Variants in NTM observed in about 807,000 individuals in gnomAD.
The protein encoded by NTM is neurotrimin, also known as IgLON family member 2.
NTM carries 13 observed loss-of-function variants against 42.1 expected under a neutral mutation model. The observed-to-expected ratio is 0.31, with a 90% CI of 0.20 to 0.49. The LOEUF (loss-of-function observed/expected upper bound fraction) is 0.49, where lower values mean the gene tolerates loss of function less well. NTM is among the 20% of genes least tolerant of loss of function. The pLI is 0.99. For synonymous variants in NTM, 187 were observed against 179.2 expected, an observed-to-expected ratio of 1.04 and a Z score of -0.35; for missense variants, 373 against 452.8, an observed-to-expected ratio of 0.82 and a Z score of 1.60.
At chr11:132,334,910 G>A (rs2095859092) in intron 8 of NTM, 136 bp from the exon 9 acceptor site, 2 of 1,413,918 alleles carry the variant, frequency 1.4e-6, no homozygotes, top group African/African-American at 1.4e-5. Flanking sequence ...TCTAATGCTG[G>A]GGCTGGAACA....
chr11:132,059,105 C>A (rs1226044214), intron 2 of NTM, among the ~76,000 whole-genome samples: 2 of 152,250 alleles, frequency 1.3e-5, no homozygotes, highest in Admixed American at 1.3e-4. Context: ...TCCCTTCTTC[C>A]ATTCCTGCCT....
chr11:132,028,110 C>G (rs2075424502), intron 2 of NTM, among the ~76,000 whole-genome samples: 1 of 151,714 alleles, frequency 6.6e-6, no homozygotes, highest in Admixed American at 6.6e-5. Flanking sequence ...CCCATTTGTC[C>G]TTGCAAGTTG....
chr11:132,098,350 G>T (rs748001183), intron 2 of NTM, among the ~76,000 whole-genome samples: 13 of 152,158 alleles, frequency 8.5e-5, no homozygotes, highest in Non-Finnish European at 1.5e-4. Context: ...ATATTTTAAA[G>T]AATCCCATAG....
intron 2 of NTM, among the ~76,000 whole-genome samples, chr11:131,913,248 T>A (rs642689): frequency 6.6e-6 from 1 of 152,118 alleles, no homozygotes; most frequent in East Asian, 1.9e-4. Flanking sequence ...CTGGATGCCC[T>A]CTTTGTCCCT....
intron 2 of NTM, among the ~76,000 whole-genome samples, chr11:132,144,842 G>A (rs866205355): frequency 6.6e-6 from 1 of 152,180 alleles, no homozygotes; most frequent in Admixed American, 6.5e-5. Flanking sequence ...CCTGTGCCAA[G>A]GTGTTTCTTT....
chr11:131,999,356 G>A (rs2068732590), intron 2 of NTM, among the ~76,000 whole-genome samples: 1 of 152,184 alleles, frequency 6.6e-6, no homozygotes, highest in Non-Finnish European at 1.5e-5. Context: ...GCAGCACGAG[G>A]TATCTTAGTA....
At chr11:132,057,309 A>C (rs1189498567) in intron 2 of NTM, among the ~76,000 whole-genome samples, 5 of 152,142 alleles carry the variant, frequency 3.3e-5, no homozygotes, top group African/African-American at 1.2e-4. Flanking sequence ...AAATGCAGAT[A>C]TAAATCTAGT....
At chr11:132,135,677 G>A (rs897530162) in intron 2 of NTM, among the ~76,000 whole-genome samples, 17 of 152,228 alleles carry the variant, frequency 1.1e-4, no homozygotes, top group African/African-American at 3.9e-4. Context: ...GTGGAGGTGG[G>A]GGTGCAAACA....
At chr11:132,326,354 G>C (rs907999684) in intron 7 of NTM, among the ~76,000 whole-genome samples, 2 of 152,080 alleles carry the variant, frequency 1.3e-5, no homozygotes, top group African/African-American at 4.8e-5. Context: ...TTTAACAAGA[G>C]AGTATTTAAC....
intron 1 of NTM, among the ~76,000 whole-genome samples, chr11:131,593,998 G>T (rs1175000342): frequency 6.6e-6 from 1 of 152,210 alleles, no homozygotes; most frequent in African/African-American, 2.4e-5. Context: ...TGGTCAGGTT[G>T]CTGCCCAGAG....
intron 1 of NTM, among the ~76,000 whole-genome samples, chr11:131,501,198 A>C (rs2046782203): frequency 6.6e-6 from 1 of 152,096 alleles, no homozygotes; most frequent in Admixed American, 6.6e-5. Context: ...CAGACAGCTT[A>C]AGGGTGAATA....
rs190295936 is a variant in NTM at position 131,529,457 on chromosome 11, A to C, written c.82+158569A>C. On this transcript the variant is annotated intron_variant, in intron 1 of 8. Transcript: ENST00000683400. ...TGCTCCTTTCTGATGAATGGGAACA[A>C]AACCAATTCTCAGAGGGTAAATAGG... Among the ~76,000 whole-genome samples, 447 of 152,318 alleles carry C rather than the reference A, an allele frequency of 2.9e-3. 2 individuals are homozygous for C. Among genetic ancestry groups the C allele is most frequent in the Middle Eastern group, 0.01 (3 of 294 alleles).
At chr11:131,913,964 AG>A (rs1368004270) in intron 2 of NTM, among the ~76,000 whole-genome samples, 6 of 152,158 alleles carry the variant, frequency 3.9e-5, no homozygotes, top group Admixed American at 3.9e-4. Flanking sequence ...ACAAGCAACC[AG>A]TATGGAGGAT....
rs952475187 is a variant in NTM, at chr11:131,370,968, G to A, written c.82+80G>A. 2.6e-5 allele frequency: 42 copies of A among 1,596,016 alleles called. No homozygotes were observed. In the Middle Eastern group the frequency reaches 5.0e-4, roughly 19 times the overall value. ...TTTATAAGATTTGCAGACTCCCCGA[G>A]TCGGCTGTGCTGCGCTGTTTGCAGG... On this transcript the variant is annotated intron_variant, in intron 1 of 8. Transcript: ENST00000683400.
chr11:132,119,701 C>T (rs147598020), intron 2 of NTM, among the ~76,000 whole-genome samples: 18 of 152,354 alleles, frequency 1.2e-4, no homozygotes, highest in East Asian at 9.7e-4. Context: ...CGTGGCATCA[C>T]GCCTCTCTGC....
intron 2 of NTM, among the ~76,000 whole-genome samples, chr11:132,083,913 A>G (rs898218925): frequency 6.6e-6 from 1 of 152,204 alleles, no homozygotes; most frequent in Non-Finnish European, 1.5e-5. Context: ...TTACTCAATT[A>G]TTAAAGACTT....
chr11:131,707,917 G>C (rs1178217146), intron 1 of NTM, among the ~76,000 whole-genome samples: 1 of 152,060 alleles, frequency 6.6e-6, no homozygotes, highest in African/African-American at 2.4e-5. Flanking sequence ...GTTTTAGACA[G>C]AGCAATTAGG....
chr11:131,911,299 T>G, intron 1 of NTM: 3 of 1,431,112 alleles, frequency 2.1e-6, no homozygotes, highest in Non-Finnish European at 1.8e-6. Context: ...CGAGGCTGGA[T>G]TTGGGGGAGG....
At chr11:132,318,623 C>T (rs2136229506) in intron 7 of NTM, among the ~76,000 whole-genome samples, 1 of 152,272 alleles carries the variant, frequency 6.6e-6, no homozygotes, top group Non-Finnish European at 1.5e-5. Context: ...AGCATCCAAG[C>T]AAGCAGTGGA....
Sources: allele counts gnomAD v4.1 joint callset (sites outside exome capture counted in the v4.1 genomes callset), GRCh38; gene constraint gnomAD v4.1.1; transcripts MANE v1.5; gene names NCBI Gene and HGNC (gene_info 2026-07-23, HGNC 2026-07-21).